Variants in MLF1 observed in about 807,000 individuals in gnomAD.
MLF1 encodes myeloid leukemia factor 1.
A neutral mutation model predicts 38.3 loss-of-function variants in MLF1; 37 were observed. The ratio of observed to expected loss-of-function variants is 0.96; its 90% CI spans 0.74 to 1.27. The LOEUF is 1.27. Among genes scored for constraint, MLF1 ranks in the 50% most tolerant of loss-of-function variants. MLF1 has a pLI of 0.00. For synonymous variants in MLF1, 95 were observed against 106.5 expected (o/e 0.89, Z 0.66); for missense variants, 331 against 349.2 (o/e 0.95, Z 0.42).
At chr3:158,589,544 A>G (rs947765210) in intron 1 of MLF1, among the ~76,000 whole-genome samples, 6 of 152,218 alleles carry the variant, frequency 3.9e-5, no homozygotes. Flanking sequence ...CTGTGTGTCA[A>G]GCACAGAGGT....
At chr3:158,595,547 G>A (rs1018755552) in intron 3 of MLF1, among the ~76,000 whole-genome samples, 1 of 151,936 alleles carries the variant, frequency 6.6e-6, no homozygotes, top group Admixed American at 6.6e-5. Flanking sequence ...AAATAAGAAC[G>A]GATTCTCAAT....
At chr3:158,604,720 G>A (rs1331899374) in intron 7 of MLF1, among the ~76,000 whole-genome samples, 1 of 152,018 alleles carries the variant, frequency 6.6e-6, no homozygotes, top group African/African-American at 2.4e-5. Context: ...GTGCAGTGGC[G>A]CGATCTCAAC....
chr3:158,604,889 C>A (rs1256154909), intron 7 of MLF1, among the ~76,000 whole-genome samples: 1 of 152,262 alleles, frequency 6.6e-6, no homozygotes, highest in African/African-American at 2.4e-5. Flanking sequence ...GATCTCTTAA[C>A]TTGTGATCTG....
intron 1 of MLF1, among the ~76,000 whole-genome samples, chr3:158,584,628 A>T (rs1716914751): frequency 6.6e-6 from 1 of 151,660 alleles, no homozygotes; most frequent in Non-Finnish European, 1.5e-5. Flanking sequence ...GCTTGCAAGG[A>T]ATGAAAGGAT....
chr3:158,571,392 GT>G lies in MLF1; in HGVS notation c.47+46del, dbSNP rs774998165. On this transcript the variant is annotated intron_variant, in intron 1 of 7. Transcript: ENST00000466246. ...AGTCCGGGGTCGCGCGGGAATTAAG[GT>G]ATCGAGGGGAGCTATTTTAAGGGAA... is the stretch of plus-strand genomic sequence containing the variant. 6 of 1,612,026 alleles carry G rather than the reference GT, an allele frequency of 3.7e-6. No homozygotes were observed. The African/African-American group carries it at 5.3e-5, about 14-fold the overall frequency.
intron 1 of MLF1, among the ~76,000 whole-genome samples, chr3:158,572,371 G>A: frequency 7.1e-6 from 1 of 141,668 alleles, no homozygotes. Flanking sequence ...GGGAGGGTTT[G>A]GGAGTATGAA....
intron 6 of MLF1, among the ~76,000 whole-genome samples, chr3:158,601,209 T>G (rs982715818): frequency 6.6e-6 from 1 of 151,012 alleles, no homozygotes; most frequent in Non-Finnish European, 1.5e-5. Context: ...CCGAGGCAGG[T>G]AGATCATGGG....
intron 1 of MLF1, among the ~76,000 whole-genome samples, chr3:158,583,168 G>A (rs908529883): frequency 6.6e-6 from 1 of 152,158 alleles, no homozygotes; most frequent in Non-Finnish European, 1.5e-5. Context: ...GAAAATGACT[G>A]TATATGACGG....
intron 1 of MLF1, among the ~76,000 whole-genome samples, chr3:158,586,598 A>G (rs1717291637): frequency 6.6e-6 from 1 of 152,204 alleles, no homozygotes; most frequent in African/African-American, 2.4e-5. Flanking sequence ...TGATGGAGAG[A>G]GACTGAACTA....
chr3:158,571,211 T>C lies in MLF1; in HGVS notation c.-90T>C. ...GCCGCGGCGAGTGAGGCGTCGTCCG[T>C]ACTGGAGGCTAGCTCTTGTCGCGGC... is the stretch of plus-strand genomic sequence containing the variant. On this transcript the variant is annotated 5_prime_UTR_variant, in exon 1 of 8. Coordinates refer to ENST00000466246, the MANE Select transcript of MLF1 (RefSeq NM_001369783.1). 9.5e-7 allele frequency: 1 copy of C among 1,052,048 alleles called. No individual in the cohort carries two copies. Among genetic ancestry groups the C allele is most frequent in the Non-Finnish European group, 1.5e-6 (1 of 684,304 alleles). The allele number at this position is 1,052,048 out of a possible 1,614,324, so 65.2% of individuals were successfully genotyped here.
rs562631719 is a variant in MLF1 at position 158,575,924 on chromosome 3, C to T, written c.47+4577C>T. On this transcript the variant is annotated intron_variant, in intron 1 of 7. Transcript: ENST00000466246. ...AAACGCTACTGATTTACTAATTATT[C>T]AAAAATGGACAAAAATGTATACTTC... Among the ~76,000 whole-genome samples, 87 of 151,970 alleles carry T rather than the reference C, an allele frequency of 5.7e-4. 1 individual carries two copies. Among genetic ancestry groups the T allele is most frequent in the African/African-American group, 2.1e-3 (86 of 41,478 alleles).
intron 1 of MLF1, among the ~76,000 whole-genome samples, chr3:158,577,947 G>A (rs2108560103): frequency 6.6e-6 from 1 of 152,220 alleles, no homozygotes; most frequent in Non-Finnish European, 1.5e-5. Context: ...CAAGACAATG[G>A]AAAAATAGAA....
At chr3:158,603,861 T>C (rs76273068) in intron 7 of MLF1, among the ~76,000 whole-genome samples, 4,755 of 152,074 alleles carry the variant, frequency 0.031, 227 homozygotes, top group African/African-American at 0.11. Context: ...ATAAATATTA[T>C]AGAGTTTTTA....
chr3:158,605,266 T>C lies in MLF1; in HGVS notation c.*64T>C. 1.6e-6 allele frequency: 2 copies of C among 1,279,806 alleles called. No homozygotes were observed. Among genetic ancestry groups the C allele is most frequent in the Non-Finnish European group, 1.1e-6 (1 of 901,074 alleles). 79.3% of individuals were successfully genotyped at this position (1,279,806 alleles called of 1,614,324 possible). ...AACAGTTAGTAATGGTGCTGGGTAA[T>C]AAGCATAAGACCAATCTCTTGCTGT... On this transcript the variant is annotated 3_prime_UTR_variant, in exon 8 of 8. Coordinates refer to ENST00000466246, the MANE Select transcript of MLF1 (RefSeq NM_001369783.1).
intron 5 of MLF1, among the ~76,000 whole-genome samples, chr3:158,599,468 T>C (rs1719410765): frequency 6.6e-6 from 1 of 152,230 alleles, no homozygotes; most frequent in Non-Finnish European, 1.5e-5. Flanking sequence ...GCTTTTGCCA[T>C]AGTTCTGCTA....
intron 1 of MLF1, chr3:158,591,269 C>T (rs1227975555): frequency 4.9e-6 from 2 of 409,330 alleles, no homozygotes; most frequent in Admixed American, 3.1e-5. Context: ...AAGCAATTCT[C>T]CTGCCTCAGC....
At chr3:158,605,052 G>T in intron 7 of MLF1, 45 bp from the exon 8 acceptor site, 2 of 1,353,778 alleles carry the variant, frequency 1.5e-6, no homozygotes, top group Non-Finnish European at 2.1e-6. Flanking sequence ...ATAAACCATT[G>T]GCCATTTTTT....
At chr3:158,589,473 G>T (rs984592767) in intron 1 of MLF1, among the ~76,000 whole-genome samples, 8 of 152,002 alleles carry the variant, frequency 5.3e-5, no homozygotes, top group African/African-American at 1.9e-4. Context: ...GCCTCCCAAA[G>T]TGCTGGGATT....
intron 1 of MLF1, among the ~76,000 whole-genome samples, chr3:158,591,340 A>G (rs1192513471): frequency 6.6e-6 from 1 of 151,782 alleles, no homozygotes; most frequent in Non-Finnish European, 1.5e-5. Flanking sequence ...TTGTATTTTT[A>G]GTAGAGATGG....
Sources: gnomAD v4.1 joint callset for allele counts (sites outside exome capture counted in the v4.1 genomes callset) on GRCh38, gnomAD v4.1.1 for gene constraint, MANE v1.5 for transcripts, NCBI Gene and HGNC (gene_info 2026-07-23, HGNC 2026-07-21) for gene names.